LIPF: variants seen among roughly 807,000 people sequenced by gnomAD.
LIPF encodes lipase F, gastric type.
In LIPF, 25 loss-of-function variants were observed where a neutral mutation model predicts 38.0. The observed-to-expected ratio is 0.66, with a 90% CI of 0.48 to 0.92. The LOEUF (loss-of-function observed/expected upper bound fraction) is 0.92, where lower values mean the gene tolerates loss of function less well. Among genes scored for constraint, LIPF ranks in the 40% least tolerant of loss-of-function variants. The pLI is 0.00. For synonymous variants in LIPF, 161 were observed against 156.2 expected (o/e 1.03, Z -0.23); for missense variants, 410 against 469.9 (o/e 0.87, Z 1.18).
In LIPF at chr10:88,669,858, T is replaced by C; in HGVS notation, c.444T>C (p.Tyr148=). The change falls in exon 5 of 10, where the codon TAT becomes TAC. Residue 148 remains tyrosine, a synonymous_variant. Coordinates refer to ENST00000238983, the MANE Select transcript of LIPF (RefSeq NM_004190.4). ...WAFSFDEMAK[Y]DLPATIDFIV... is the part of the protein sequence containing the mutation. ...TCAGCTTTGATGAAATGGCTAAATA[T>C]GACCTTCCAGCCACAATCGACTTCA... 1 of 1,612,578 alleles carries C rather than the reference T, an allele frequency of 6.2e-7. No individual in the cohort carries two copies. Among genetic ancestry groups the C allele is most frequent in the South Asian group, 1.1e-5 (1 of 90,920 alleles).
At chr10:88,678,280 T>C (rs1841717759) in intron 9 of LIPF, among the ~76,000 whole-genome samples, 165 bp from the exon 10 acceptor site, 7 of 152,224 alleles carry the variant, frequency 4.6e-5, no homozygotes, top group Admixed American at 4.6e-4. Context: ...CTAAAACATA[T>C]TGCATTCACT....
At chr10:88,673,501 A>C in intron 6 of LIPF, 87 bp from the exon 7 acceptor site, 3 of 957,714 alleles carry the variant, frequency 3.1e-6, no homozygotes, top group Non-Finnish European at 4.8e-6. Flanking sequence ...CATCCTCATC[A>C]CACATGTATA....
At chr10:88,665,786 T>G (rs1841504045) in intron 1 of LIPF, among the ~76,000 whole-genome samples, 1 of 141,916 alleles carries the variant, frequency 7.0e-6, no homozygotes, top group South Asian at 2.3e-4. Flanking sequence ...CACTGTCTCC[T>G]GGGCTGGAGT....
Position 88,668,715 on chromosome 10 carries a change from C to A in LIPF, c.381C>A (p.Asn127Lys). ...NSRGNTWARR[N>K]LYYSPDSVEF... ...GAGGAAACACCTGGGCCAGAAGAAA[C>A]TTGTACTATTCACCAGATTCAGTTG... Residue 127 changes from asparagine to lysine, a missense_variant, in exon 4 of 10, where the codon AAC becomes AAA. By Grantham distance (94) the Asn-to-Lys change is moderately conservative (BLOSUM62 0). Coordinates refer to ENST00000238983, the MANE Select transcript of LIPF (RefSeq NM_004190.4). 1 of 1,614,120 alleles carries A rather than the reference C, an allele frequency of 6.2e-7. No homozygotes were observed. The highest frequency in any genetic ancestry group is 8.5e-7 in the Non-Finnish European group (1 of 1,179,976).
intron 9 of LIPF, among the ~76,000 whole-genome samples, chr10:88,678,149 A>T (rs761414608): frequency 1.2e-4 from 18 of 152,212 alleles, no homozygotes; most frequent in Non-Finnish European, 2.1e-4. Context: ...AGCCAATGGC[A>T]TCAGCATCAC....
At chr10:88,671,391 A>C (rs1841594068) in intron 5 of LIPF, among the ~76,000 whole-genome samples, 1 of 152,180 alleles carries the variant, frequency 6.6e-6, no homozygotes, top group Non-Finnish European at 1.5e-5. Flanking sequence ...CCAGGATTCA[A>C]ATTGAGTTTG....
At chr10:88,671,987 A>C in intron 6 of LIPF, 22 bp downstream of exon 6, 1 of 1,595,140 alleles carries the variant, frequency 6.3e-7, no homozygotes, top group South Asian at 1.1e-5. Flanking sequence ...TCTTTAATTA[A>C]GTGAATCTAA....
In LIPF at chr10:88,675,596, A is replaced by G; in HGVS notation, c.827A>G (p.Asp276Gly). ...TCTGTTGATTTCTAGAGTCGCTTGGATGTGTATCTATCACATAATCCAGCA... is the reference window on the plus strand; with the variant it reads ...TCTGTTGATTTCTAGAGTCGCTTGGGTGTGTATCTATCACATAATCCAGCA... ...DSKNFNTSRL[D>G]VYLSHNPAGT... Residue 276 changes from aspartate to glycine, a missense_variant, in exon 8 of 10, where the codon GAT becomes GGT. Coordinates refer to ENST00000238983, the MANE Select transcript of LIPF (RefSeq NM_004190.4). 2 of 1,490,588 alleles carry G rather than the reference A, an allele frequency of 1.3e-6. No homozygotes were observed. Among genetic ancestry groups the G allele is most frequent in the Non-Finnish European group, 1.9e-6 (2 of 1,078,738 alleles). 92.3% of individuals were successfully genotyped at this position (1,490,588 alleles called of 1,614,324 possible).
chr10:88,667,578 A>G lies in LIPF; in HGVS notation c.115A>G (p.Ile39Val). The G allele has an allele frequency of 1.9e-6, 3 of 1,567,406 alleles. No individual in the cohort carries two copies. The South Asian group carries it at 3.4e-5, about 18-fold the overall frequency. Reference sequence around the variant, plus strand: ...GGGTTTGCTTCCTCAGAGTCAGATGATTACTTATTGGGGATACCCAAATGA... The same window carrying G: ...GGGTTTGCTTCCTCAGAGTCAGATGGTTACTTATTGGGGATACCCAAATGA... ...PEVTMNISQM[I>V]TYWGYPNEEY... is the part of the protein sequence containing the mutation. The change falls in exon 3 of 10, where the codon ATT (isoleucine) becomes GTT (valine). Residue 39 changes from isoleucine to valine, a missense_variant. Transcript: ENST00000238983.
chr10:88,674,617 TC>T (rs2046439467), intron 7 of LIPF, among the ~76,000 whole-genome samples: 1 of 152,234 alleles, frequency 6.6e-6, no homozygotes, highest in African/African-American at 2.4e-5. Context: ...GACTTAAACG[TC>T]TCTGTCTTGA....
chr10:88,668,662 G>A lies in LIPF; in HGVS notation c.328G>A (p.Gly110Ser), dbSNP rs1315398733. Residue 110 changes from glycine (G) to serine (S), a missense_variant, in exon 4 of 10, where the codon GGT becomes AGT. Transcript: ENST00000238983. The part of the protein sequence containing the change: ...NSLAFILADA[G>S]YDVWLGNSRG... ...CCTTGCCTTCATTCTGGCAGATGCT[G>A]GTTATGATGTGTGGCTGGGCAACAG... 6.2e-7 allele frequency: 1 copy of A among 1,614,032 alleles called. No individual in the cohort carries two copies. Among genetic ancestry groups the A allele is most frequent in the East Asian group, 2.2e-5 (1 of 44,892 alleles).
At position 88,678,554 on chromosome 10, in the gene LIPF, A is replaced by T; in HGVS notation, c.1070A>T (p.Lys357Ile). 2 of 1,614,016 alleles carry T rather than the reference A, an allele frequency of 1.2e-6. No individual in the cohort carries two copies. The highest frequency in any genetic ancestry group is 8.5e-7 in the Non-Finnish European group (1 of 1,179,954). ...CAAGATGTTGGCCTTTTGCTTCCAA[A>T]ACTCCCCAATCTTATTTACCACAAG... ...DPQDVGLLLP[K>I]LPNLIYHKEI... Residue 357 changes from lysine to isoleucine, a missense_variant, in exon 10 of 10, where the codon AAA becomes ATA. Lys to Ile is a moderately radical substitution (Grantham distance 102). Transcript: ENST00000238983.
intron 7 of LIPF, among the ~76,000 whole-genome samples, chr10:88,674,974 A>G (rs1419580670): frequency 6.6e-6 from 1 of 152,190 alleles, no homozygotes; most frequent in African/African-American, 2.4e-5. Context: ...GAAAAATAAT[A>G]GTAAAATAAG....
chr10:88,665,483 T>C (rs1841497249), intron 1 of LIPF: 2 of 1,430,396 alleles, frequency 1.4e-6, no homozygotes, highest in African/African-American at 1.4e-5. Flanking sequence ...TCCTAGGACT[T>C]GGCAACAAGC....
At chr10:88,668,225 AAAG>A (rs1841543728) in intron 3 of LIPF, among the ~76,000 whole-genome samples, 1 of 152,206 alleles carries the variant, frequency 6.6e-6, no homozygotes, top group Admixed American at 6.5e-5. Flanking sequence ...AAGAAAAAAA[AAAG>A]ATTACTCGTA....
chr10:88,667,784 C>T (rs1163150198), intron 3 of LIPF, 98 bp downstream of exon 3: 8 of 613,144 alleles, frequency 1.3e-5, no homozygotes, highest in Non-Finnish European at 2.3e-5. Context: ...ACTTTTCCTT[C>T]TTTTGTTCTT....
At chr10:88,674,766 C>T (rs573111340) in intron 7 of LIPF, among the ~76,000 whole-genome samples, 126 of 152,256 alleles carry the variant, frequency 8.3e-4, no homozygotes, top group Admixed American at 2.7e-3. Context: ...ACAACTATCT[C>T]CCCTCCAAAT....
Position 88,678,431 on chromosome 10 carries a change from CTTGTGT to C in LIPF, c.961-11_961-6del, listed in dbSNP as rs1841720590. Reference sequence around the variant, plus strand: ...GGTTACCTAAACTCTGGTTCTTTCTCTTGTGTTTTCTAGTCCCAACCTCCCTACTAC... The same window carrying C: ...GGTTACCTAAACTCTGGTTCTTTCTCTTTCTAGTCCCAACCTCCCTACTAC... On this transcript the variant is annotated splice_polypyrimidine_tract_variant and splice_region_variant and intron_variant, in intron 9 of 9. Transcript: ENST00000238983. The C allele has an allele frequency of 6.3e-7, 1 of 1,589,234 alleles. No homozygotes were observed.
In LIPF at chr10:88,675,575, T is replaced by C. The variant is rs200572933; in HGVS notation, c.817-11T>C. On this transcript the variant is annotated splice_polypyrimidine_tract_variant and intron_variant, in intron 7 of 9. Coordinates refer to ENST00000238983, the MANE Select transcript of LIPF (RefSeq NM_004190.4). ...AGTATGTATATAATATGTGTGTCTG[T>C]TGATTTCTAGAGTCGCTTGGATGTG... 1.9e-6 allele frequency: 3 copies of C among 1,598,426 alleles called. No individual in the cohort carries two copies. Among genetic ancestry groups the C allele is most frequent in the Non-Finnish European group, 2.6e-6 (3 of 1,166,298 alleles).
Sources: allele counts gnomAD v4.1 joint callset (sites outside exome capture counted in the v4.1 genomes callset), GRCh38; gene constraint gnomAD v4.1.1; transcripts MANE v1.5; gene names NCBI Gene and HGNC (gene_info 2026-07-23, HGNC 2026-07-21).